Variants in SLC25A23 observed in about 807,000 individuals in gnomAD.
SLC25A23 encodes mitochondrial adenyl nucleotide antiporter SLC25A23.
In SLC25A23, 32 loss-of-function variants were observed where a neutral mutation model predicts 53.9. That is an observed-to-expected ratio of 0.59 (90% CI 0.45 to 0.80). The LOEUF is 0.80. Among genes scored for constraint, SLC25A23 ranks in the 30% least tolerant of loss-of-function variants. The pLI, the probability that SLC25A23 is intolerant of heterozygous loss-of-function variation, is 0.00. For missense variants in SLC25A23, 575 were observed against 651.4 expected (o/e 0.88, Z 1.28); for synonymous variants, 275 against 264.5 (o/e 1.04, Z -0.38).
chr19:6,458,209 C>G lies in SLC25A23; in HGVS notation c.272G>C (p.Arg91Pro), dbSNP rs549386407. ...TCGCCCGACCTTACCATCCTGGTTC[C>G]GGTCAAGACTGTGAAACATGAGCAG... Reference protein sequence around the residue: ...RLLLMFHSLDRNQDGHIDVSE... With the variant: ...RLLLMFHSLDPNQDGHIDVSE... The change falls in exon 2 of 10, where the codon CGG becomes CCG. Residue 91 changes from arginine (R) to proline (P), a missense_variant. Coordinates refer to ENST00000301454, the MANE Select transcript of SLC25A23 (RefSeq NM_024103.3). The G allele has an allele frequency of 2.5e-6, 4 of 1,613,338 alleles. No homozygotes were observed. The highest frequency in any genetic ancestry group is 1.7e-5 in the Admixed American group (1 of 59,986).
chr19:6,458,726 A>C (rs1002588621), intron 1 of SLC25A23, among the ~76,000 whole-genome samples: 1 of 152,118 alleles, frequency 6.6e-6, no homozygotes, highest in Non-Finnish European at 1.5e-5. Flanking sequence ...AACCCTGTCC[A>C]CATGGGGGAC....
chr19:6,457,474 C>T (rs1488480183), intron 3 of SLC25A23, 29 bp downstream of exon 3: 4 of 1,602,710 alleles, frequency 2.5e-6, no homozygotes, highest in Non-Finnish European at 3.4e-6. Flanking sequence ...TCCTGAGTTA[C>T]TTTGGATTCC....
At chr19:6,447,038 G>T (rs1166031125) in intron 8 of SLC25A23, among the ~76,000 whole-genome samples, 1 of 137,946 alleles carries the variant, frequency 7.2e-6, no homozygotes, top group Non-Finnish European at 1.5e-5. Flanking sequence ...AAGGAAGGAA[G>T]GATTCTCCCC....
rs2092425834 is a variant in SLC25A23, at chr19:6,441,907, T to G, written c.*68A>C. On this transcript the variant is annotated 3_prime_UTR_variant, in exon 10 of 10. Transcript: ENST00000301454. ...TGGCCAAAGAGTAGGGATCCTGTGG[T>G]TGGATCATCAGTCTCCAGTGGCTGA... The G allele has an allele frequency of 4.1e-6, 6 of 1,468,672 alleles. No homozygotes were observed. In the South Asian group the frequency reaches 7.0e-5, roughly 17 times the overall value. The allele number at this position is 1,468,672 out of a possible 1,614,324, so 91.0% of individuals were successfully genotyped here.
At chr19:6,458,451 AC>A in intron 1 of SLC25A23, 127 bp from the exon 2 acceptor site, 1 of 1,029,408 alleles carries the variant, frequency 9.7e-7, no homozygotes, top group Non-Finnish European at 1.4e-6. Flanking sequence ...AGAAGACGTC[AC>A]CCCACTTCTC....
Position 6,454,050 on chromosome 19 carries a change from A to G in SLC25A23, c.834T>C (p.His278=). The G allele has an allele frequency of 1.2e-6, 2 of 1,613,604 alleles. No individual in the cohort carries two copies. Among genetic ancestry groups the G allele is most frequent in the Non-Finnish European group, 1.7e-6 (2 of 1,179,940 alleles). ...RAILGQQETL[H]VQERFVAGSL... is the part of the protein sequence containing the mutation. ...AGCCAGCCACGAAGCGCTCCTGCACATGCAGTGTCTCCTGCTGCCCCAGGA... is the reference window on the plus strand; with the variant it reads ...AGCCAGCCACGAAGCGCTCCTGCACGTGCAGTGTCTCCTGCTGCCCCAGGA... The change falls in exon 7 of 10, where the codon CAT becomes CAC. Residue 278 remains histidine, a synonymous_variant. Coordinates refer to ENST00000301454, the MANE Select transcript of SLC25A23 (RefSeq NM_024103.3). The surrounding 1 kb of genome is among the most constrained non-coding windows in gnomAD (Gnocchi z 4.3).
chr19:6,448,799 G>A (rs915791115), intron 8 of SLC25A23, among the ~76,000 whole-genome samples: 11 of 151,548 alleles, frequency 7.3e-5, no homozygotes, highest in African/African-American at 2.2e-4. Context: ...CGAGGTGGTC[G>A]GATCACTTGA....
chr19:6,439,395 T>TCACACACACACA (rs1177276755), downstream of SLC25A23, among the ~76,000 whole-genome samples: 13 of 129,574 alleles, frequency 1.0e-4, no homozygotes, highest in African/African-American at 3.6e-4. Context: ...TCTCTCTCTC[T>TCACACACACACA]CTCTCACACA....
At chr19:6,458,063 A>T in intron 2 of SLC25A23, 135 bp downstream of exon 2, 1 of 1,199,960 alleles carries the variant, frequency 8.3e-7, no homozygotes, top group Non-Finnish European at 1.1e-6. Context: ...GTGCTCCTGA[A>T]ATAGCCTATG....
In SLC25A23 at chr19:6,442,172, G is replaced by A. The variant is rs776274243; in HGVS notation, c.1223-13C>T. 10 of 1,444,184 alleles carry A rather than the reference G, an allele frequency of 6.9e-6. No individual in the cohort carries two copies. Among genetic ancestry groups the A allele is most frequent in the Middle Eastern group, 1.9e-4 (1 of 5,230 alleles). The allele number at this position is 1,444,184 out of a possible 1,614,324, so 89.5% of individuals were successfully genotyped here. A position where few individuals can be genotyped will look rare whatever the true frequency, so the allele number is the denominator to read the frequency against. On this transcript the variant is annotated splice_polypyrimidine_tract_variant and intron_variant, in intron 9 of 9. Transcript: ENST00000301454. The stretch of plus-strand genomic sequence containing the variant: ...CCCTCGATGGAGGCTGGGAGGGGGC[G>A]GGGGGGGCACCAGGTAAGGCCAACG...
At chr19:6,445,931 A>C (rs540471039) in intron 8 of SLC25A23, among the ~76,000 whole-genome samples, 72 of 151,878 alleles carry the variant, frequency 4.7e-4, no homozygotes, top group Non-Finnish European at 8.1e-4. Flanking sequence ...ACAAAAAAAA[A>C]CTGGATGTGA....
At chr19:6,452,783 G>T (rs1451729753) in intron 7 of SLC25A23, among the ~76,000 whole-genome samples, 1 of 152,046 alleles carries the variant, frequency 6.6e-6, no homozygotes, top group Non-Finnish European at 1.5e-5. Flanking sequence ...CGAACTCCTG[G>T]GCTCAAGTGA....
chr19:6,445,920 A>C (rs2092497133), intron 8 of SLC25A23, among the ~76,000 whole-genome samples: 1 of 110,682 alleles, frequency 9.0e-6, no homozygotes, highest in Non-Finnish European at 1.6e-5. Context: ...CAAACAAACA[A>C]ACAAAAAAAA....
rs2092693604 is a variant in SLC25A23 at position 6,457,122 on chromosome 19, C to A, written c.371+381G>T. ...ACTCCGTCACCCTGGTTAGAGTGTC[C>A]TGGCCTGATCTTGGCTCACTGCAAC... On this transcript the variant is annotated intron_variant, in intron 3 of 9. Coordinates refer to ENST00000301454, the MANE Select transcript of SLC25A23 (RefSeq NM_024103.3). Among the ~76,000 whole-genome samples the A allele has an allele frequency of 3.4e-5, 5 of 146,970 alleles. No homozygotes were observed. The South Asian group carries it at 8.6e-4, about 25-fold the overall frequency.
At position 6,454,143 on chromosome 19, in the gene SLC25A23, C is replaced by T. The variant is rs2145004365; in HGVS notation, c.796-55G>A. 1.3e-6 allele frequency: 2 copies of T among 1,556,130 alleles called. No homozygotes were observed. The highest frequency in any genetic ancestry group is 1.8e-6 in the Non-Finnish European group (2 of 1,141,726). On this transcript the variant is annotated intron_variant, in intron 6 of 9. Transcript: ENST00000301454. This position sits in a 1 kb window ranked among gnomAD's most constrained non-coding sequence, Gnocchi z 4.3. ...GACCATGGGGGTTGAACCTTCCTTG[C>T]ACTCCACTGTTCTCCTGGCTTCCAA... is the stretch of plus-strand genomic sequence containing the variant.
Position 6,459,366 on chromosome 19 carries a change from T to A in SLC25A23, c.156+107A>T, listed in dbSNP as rs897674726. On this transcript the variant is annotated intron_variant, in intron 1 of 9. Coordinates refer to ENST00000301454, the MANE Select transcript of SLC25A23 (RefSeq NM_024103.3). This position sits in a 1 kb window ranked among gnomAD's most constrained non-coding sequence, Gnocchi z 4.6. The stretch of plus-strand genomic sequence containing the variant: ...CGAGACAGAGACACAGGTTCTGGAG[T>A]CCAGCCACAGGTAGTCCCTGGTGGC... 18 of 948,178 alleles carry A rather than the reference T, an allele frequency of 1.9e-5. No individual in the cohort carries two copies. In the African/African-American group the frequency reaches 2.6e-4, roughly 14 times the overall value. 58.7% of individuals were successfully genotyped at this position (948,178 alleles called of 1,614,324 possible).
intron 8 of SLC25A23, among the ~76,000 whole-genome samples, chr19:6,445,213 G>C (rs1360675777): frequency 6.6e-6 from 1 of 152,050 alleles, no homozygotes; most frequent in African/African-American, 2.4e-5. Flanking sequence ...GGCTTCAAGC[G>C]ATTCTCCTGC....
At chr19:6,436,489 G>C (rs1255804345), downstream of SLC25A23, 1 of 455,296 alleles carries the variant, frequency 2.2e-6, no homozygotes, top group Non-Finnish European at 4.4e-6. Flanking sequence ...AATGTTATGA[G>C]AAAGGGGGAG....
intron 8 of SLC25A23, among the ~76,000 whole-genome samples, chr19:6,445,005 G>A (rs2092481764): frequency 6.6e-6 from 1 of 152,040 alleles, no homozygotes; most frequent in African/African-American, 2.4e-5. Context: ...GTGTCACTAT[G>A]TTGCTCAGGC....
Sources: allele counts gnomAD v4.1 joint callset (sites outside exome capture counted in the v4.1 genomes callset), GRCh38; gene constraint gnomAD v4.1.1; non-coding constraint Gnocchi (gnomAD v3.1); transcripts MANE v1.5; gene names NCBI Gene and HGNC (gene_info 2026-07-23, HGNC 2026-07-21).